Variants in CD96 observed in about 807,000 individuals in gnomAD.
The protein encoded by CD96 is CD96 molecule.
A neutral mutation model predicts 71.3 loss-of-function variants in CD96; 70 were observed. That is an observed-to-expected ratio of 0.98 (90% confidence interval 0.81 to 1.20). The LOEUF (loss-of-function observed/expected upper bound fraction) is 1.20, where lower values mean the gene tolerates loss of function less well. CD96 is among the 50% of genes most tolerant of loss of function. The pLI is 0.00. For synonymous variants in CD96, 248 were observed against 233.0 expected (o/e 1.06, Z -0.59); for missense variants, 742 against 677.5 (o/e 1.10, Z -1.06).
At position 111,593,857 on chromosome 3, in the gene CD96, A is replaced by T. The variant is rs536565749; in HGVS notation, c.808-4263A>T. ...GATCCTGGCGCTGCCCAGCCTGACC[A>T]TGGCCACTCTTCTCCAGCTCCTCTC... On this transcript the variant is annotated intron_variant, in intron 5 of 13. Coordinates refer to ENST00000352690, the MANE Select transcript of CD96 (RefSeq NM_005816.5). 308 of 1,613,882 alleles carry T rather than the reference A, an allele frequency of 1.9e-4. 2 individuals carry two copies. In the South Asian group the frequency reaches 2.2e-3, roughly 12 times the overall value.
At chr3:111,612,534 C>G (rs1938003362) in intron 8 of CD96, among the ~76,000 whole-genome samples, 1 of 152,186 alleles carries the variant, frequency 6.6e-6, no homozygotes, top group African/African-American at 2.4e-5. Context: ...ATTGAATCCT[C>G]CCAACAACAC....
intron 5 of CD96, among the ~76,000 whole-genome samples, chr3:111,591,276 G>A (rs1478159615): frequency 1.3e-5 from 2 of 149,968 alleles, no homozygotes; most frequent in Non-Finnish European, 3.0e-5. Context: ...AGGAGGCTTA[G>A]GCAGAAGAAT....
chr3:111,629,943 A>G (rs192802685), intron 10 of CD96, among the ~76,000 whole-genome samples: 25 of 152,198 alleles, frequency 1.6e-4, no homozygotes, highest in Non-Finnish European at 2.9e-4. Context: ...TTAAGGCAGA[A>G]ATCAAGAAGT....
At chr3:111,638,896 T>C (rs1559772400) in intron 12 of CD96, among the ~76,000 whole-genome samples, 1 of 151,676 alleles carries the variant, frequency 6.6e-6, no homozygotes, top group African/African-American at 2.4e-5. Context: ...AGTTTAGAGA[T>C]GGGTCAAAAA....
In CD96 at chr3:111,649,952, C is replaced by A. The variant is rs1278795387; in HGVS notation, c.*146C>A. On this transcript the variant is annotated 3_prime_UTR_variant, in exon 14 of 14. Transcript: ENST00000352690. ...AGAAGTGAGTGACCTGTTTTCCCAG[C>A]AACTCACCCTCTTCCATCTCCAAAC... is the stretch of plus-strand genomic sequence containing the variant. 2 of 691,512 alleles carry A rather than the reference C, an allele frequency of 2.9e-6. No individual in the cohort carries two copies. Among genetic ancestry groups the A allele is most frequent in the Non-Finnish European group, 5.3e-6 (2 of 377,366 alleles). The allele number at this position is 691,512 out of a possible 1,614,324, so 42.8% of individuals were successfully genotyped here.
chr3:111,556,675 G>A (rs1202949977), intron 2 of CD96, among the ~76,000 whole-genome samples: 1 of 140,910 alleles, frequency 7.1e-6, no homozygotes, highest in African/African-American at 2.7e-5. Context: ...ACGTGTGCAT[G>A]TGTCTTTATA....
At chr3:111,555,614 G>A (rs746085921) in intron 2 of CD96, among the ~76,000 whole-genome samples, 1 of 152,258 alleles carries the variant, frequency 6.6e-6, no homozygotes, top group Non-Finnish European at 1.5e-5. Flanking sequence ...TGTTTGTTTG[G>A]TTGGTTGGTT....
At chr3:111,583,101 A>G (rs1936543771) in intron 4 of CD96, among the ~76,000 whole-genome samples, 1 of 152,252 alleles carries the variant, frequency 6.6e-6, no homozygotes, top group Admixed American at 6.5e-5. Flanking sequence ...TGGGGGTATA[A>G]GCATTCAGTA....
chr3:111,555,610 T>G (rs1167977237), intron 2 of CD96, among the ~76,000 whole-genome samples: 2 of 152,428 alleles, frequency 1.3e-5, no homozygotes, highest in South Asian at 2.1e-4. Context: ...TTTTTGTTTG[T>G]TTGGTTGGTT....
chr3:111,662,767 C>G (rs1940388551), intron 14 of CD96, among the ~76,000 whole-genome samples: 1 of 152,254 alleles, frequency 6.6e-6, no homozygotes, highest in Non-Finnish European at 1.5e-5. Flanking sequence ...GTCTATATCA[C>G]TATCCACATT....
chr3:111,560,175 G>A (rs1472431390), intron 2 of CD96, among the ~76,000 whole-genome samples: 3 of 151,554 alleles, frequency 2.0e-5, no homozygotes, highest in Non-Finnish European at 4.4e-5. Flanking sequence ...TTGCCAGTCT[G>A]TGTCTTTTAA....
At chr3:111,552,908 A>C (rs1485464551) in intron 2 of CD96, among the ~76,000 whole-genome samples, 1 of 152,160 alleles carries the variant, frequency 6.6e-6, no homozygotes, top group African/African-American at 2.4e-5. Context: ...TAATTATGAA[A>C]ATTATATAGA....
intron 5 of CD96, among the ~76,000 whole-genome samples, chr3:111,587,901 A>G (rs1314002394): frequency 6.6e-6 from 1 of 152,156 alleles, no homozygotes; most frequent in Non-Finnish European, 1.5e-5. Context: ...TGCGCACAGC[A>G]TGGAGACCTG....
chr3:111,659,283 C>T (rs1337938513), intron 14 of CD96, among the ~76,000 whole-genome samples: 1 of 152,098 alleles, frequency 6.6e-6, no homozygotes, highest in Admixed American at 6.5e-5. Context: ...GTTAATCTTG[C>T]TACCAGTCTA....
intron 2 of CD96, among the ~76,000 whole-genome samples, chr3:111,554,187 C>T (rs971084259): frequency 6.6e-6 from 1 of 151,970 alleles, no homozygotes; most frequent in Non-Finnish European, 1.5e-5. Context: ...ATGCCTTCTT[C>T]TATATTTTCT....
At chr3:111,571,065 A>G (rs1018397415) in intron 3 of CD96, 21 of 990,878 alleles carry the variant, frequency 2.1e-5, no homozygotes, top group Non-Finnish European at 3.4e-5. Flanking sequence ...GCTGTGGGGT[A>G]GGAGGTAGGT....
chr3:111,605,203 T>G (rs1937590054), intron 7 of CD96, among the ~76,000 whole-genome samples: 1 of 152,180 alleles, frequency 6.6e-6, no homozygotes, highest in Admixed American at 6.5e-5. Context: ...GAGGGGCATA[T>G]ATGATGACAC....
intron 5 of CD96, chr3:111,594,320 T>A: frequency 7.7e-7 from 1 of 1,294,096 alleles, no homozygotes; most frequent in Non-Finnish European, 1.1e-6. Context: ...GGATTCACAA[T>A]AATGGCCAAA....
intron 3 of CD96, among the ~76,000 whole-genome samples, chr3:111,569,022 T>TTA (rs1935851421): frequency 6.6e-6 from 1 of 152,240 alleles, no homozygotes; most frequent in Non-Finnish European, 1.5e-5. Context: ...TTAAAAATTC[T>TTA]TATGAAACTC....
Sources: allele counts gnomAD v4.1 joint callset (sites outside exome capture counted in the v4.1 genomes callset), GRCh38; gene constraint gnomAD v4.1.1; transcripts MANE v1.5; gene names NCBI Gene and HGNC (gene_info 2026-07-23, HGNC 2026-07-21).